The following FXR1 variants were observed in gnomAD, a reference collection of about 807,000 sequenced individuals.
The protein encoded by FXR1 is FMR1 autosomal homolog 1.
In FXR1, 15 loss-of-function variants were observed where a neutral mutation model predicts 84.0. That is an observed-to-expected ratio of 0.18 (90% confidence interval 0.12 to 0.27). The LOEUF is 0.27. FXR1 is among the 10% of genes least tolerant of loss of function. The pLI is 1.00. For synonymous variants in FXR1, 245 were observed against 250.7 expected, an observed-to-expected ratio of 0.98 and a Z score of 0.21; for missense variants, 480 against 774.4, an observed-to-expected ratio of 0.62 and a Z score of 4.51.
rs142721078 is a variant in FXR1, at chr3:180,935,110, T to G, written c.105-28T>G. ...AGGCGTAGACTATATATTTTTAAGTTGTTAATACACCTTTTCTAATCCTTC... is the reference window on the plus strand; with the variant it reads ...AGGCGTAGACTATATATTTTTAAGTGGTTAATACACCTTTTCTAATCCTTC... On this transcript the variant is annotated intron_variant, in intron 2 of 16. Transcript: ENST00000357559. The G allele has an allele frequency of 4.9e-5, 53 of 1,087,930 alleles. No homozygotes were observed. The East Asian group carries it at 1.2e-3, about 25-fold the overall frequency. The allele number at this position is 1,087,930 out of a possible 1,614,324, so 67.4% of individuals were successfully genotyped here. A position where few individuals can be genotyped will look rare whatever the true frequency, so the allele number is the denominator to read the frequency against.
chr3:180,942,962 G>T (rs1721291416), intron 3 of FXR1, among the ~76,000 whole-genome samples: 1 of 152,114 alleles, frequency 6.6e-6, no homozygotes, highest in Middle Eastern at 3.4e-3. Flanking sequence ...GTAAGTGGGG[G>T]TGTTTTCTTT....
chr3:180,915,820 C>T (rs1717828821), intron 1 of FXR1, among the ~76,000 whole-genome samples: 2 of 152,160 alleles, frequency 1.3e-5, no homozygotes, highest in African/African-American at 4.8e-5. Flanking sequence ...TTAATTGGAA[C>T]CAGTGAAACG....
intron 15 of FXR1, among the ~76,000 whole-genome samples, chr3:180,972,446 C>T (rs878981410): frequency 6.6e-6 from 1 of 151,922 alleles, no homozygotes; most frequent in Admixed American, 6.6e-5. Context: ...ACAGTGAGAC[C>T]CTGTCTCAAA....
At chr3:180,933,435 C>T (rs1720165606) in intron 2 of FXR1, 49 bp downstream of exon 2, 1 of 1,093,402 alleles carries the variant, frequency 9.1e-7, no homozygotes, top group East Asian at 2.4e-5. Flanking sequence ...ATGGCAGTGC[C>T]AAACTTTTTG....
chr3:180,923,757 C>T (rs1161958831), intron 1 of FXR1, among the ~76,000 whole-genome samples: 1 of 151,980 alleles, frequency 6.6e-6, no homozygotes, highest in African/African-American at 2.4e-5. Context: ...ATTGTTGTTT[C>T]AGGAGACCGG....
chr3:180,967,384 A>G (rs563990472), intron 13 of FXR1, among the ~76,000 whole-genome samples: 17 of 152,278 alleles, frequency 1.1e-4, no homozygotes, highest in South Asian at 8.3e-4. Flanking sequence ...CCTAGAATCA[A>G]TGAAATTATG....
In FXR1 at chr3:180,948,208, T is replaced by C. The variant is rs561564582; in HGVS notation, c.271-139T>C. The C allele has an allele frequency of 5.3e-5, 35 of 655,616 alleles. No homozygotes were observed. In the East Asian group the frequency reaches 7.6e-4, roughly 14 times the overall value. 40.6% of individuals were successfully genotyped at this position (655,616 alleles called of 1,614,324 possible). A position where few individuals can be genotyped will look rare whatever the true frequency, so the allele number is the denominator to read the frequency against. ...ATCTAGTTTAGGCAAATCAGATTGA[T>C]GTAGCTAAGCTGTGCTTAGTATTTT... On this transcript the variant is annotated intron_variant, in intron 4 of 16. Coordinates refer to ENST00000357559, the MANE Select transcript of FXR1 (RefSeq NM_005087.4).
intron 1 of FXR1, among the ~76,000 whole-genome samples, chr3:180,922,256 G>T (rs1185908728): frequency 6.6e-6 from 1 of 152,054 alleles, no homozygotes. Context: ...TTCCAAAAAG[G>T]CTTCTGATGC....
Position 180,946,880 on chromosome 3 carries a change from C to T in FXR1, c.199-985C>T, listed in dbSNP as rs1576952422. Reference sequence around the variant, plus strand: ...GGTTTTTATTGGTTTTTAGTTTCTTCTCAGCCCCCCTTTTCTACCTTTCTC... The same window carrying T: ...GGTTTTTATTGGTTTTTAGTTTCTTTTCAGCCCCCCTTTTCTACCTTTCTC... On this transcript the variant is annotated intron_variant, in intron 3 of 16. Transcript: ENST00000357559. 2.6e-5 allele frequency among the ~76,000 whole-genome samples: 4 copies of T among 152,154 alleles called. No individual in the cohort carries two copies. In the South Asian group the frequency reaches 8.3e-4, roughly 31 times the overall value.
intron 1 of FXR1, among the ~76,000 whole-genome samples, chr3:180,914,157 C>T (rs545047357): frequency 6.6e-6 from 1 of 152,268 alleles, no homozygotes; most frequent in African/African-American, 2.4e-5. Flanking sequence ...GAGTAGTTAA[C>T]ATTGACGTTC....
chr3:180,952,828 CTTTT>C (rs371547296), intron 8 of FXR1, among the ~76,000 whole-genome samples: 8 of 121,482 alleles, frequency 6.6e-5, no homozygotes, highest in East Asian at 2.4e-4. Context: ...ATTTTATTTG[CTTTT>C]TTTTTTTTTT....
At chr3:180,939,783 C>G (rs972255519) in intron 3 of FXR1, among the ~76,000 whole-genome samples, 7 of 152,248 alleles carry the variant, frequency 4.6e-5, no homozygotes, top group African/African-American at 4.8e-5. Flanking sequence ...GCCAGACTCA[C>G]AACATTCTTC....
intron 1 of FXR1, among the ~76,000 whole-genome samples, chr3:180,926,495 TATATA>T (rs1266139663): frequency 0.029 from 3,222 of 109,596 alleles, 104 homozygotes; most frequent in African/African-American, 0.096. Flanking sequence ...TATATATATA[TATATA>T]TATATATTTT....
intron 1 of FXR1, among the ~76,000 whole-genome samples, chr3:180,929,922 A>C (rs1719682958): frequency 1.3e-5 from 2 of 152,232 alleles, no homozygotes; most frequent in Admixed American, 6.5e-5. Flanking sequence ...ACTTGGTGTC[A>C]GGCCTTACTC....
At chr3:180,932,217 C>T (rs1427742307) in intron 1 of FXR1, among the ~76,000 whole-genome samples, 1 of 151,786 alleles carries the variant, frequency 6.6e-6, no homozygotes, top group Non-Finnish European at 1.5e-5. Flanking sequence ...CAGATGTGTT[C>T]ATTTTTGTCT....
chr3:180,947,682 T>C (rs1039520410), intron 3 of FXR1, among the ~76,000 whole-genome samples, 183 bp from the exon 4 acceptor site: 2 of 152,214 alleles, frequency 1.3e-5, no homozygotes, highest in Non-Finnish European at 2.9e-5. Flanking sequence ...AAAAGTAGTT[T>C]TATTTTTAAG....
intron 13 of FXR1, among the ~76,000 whole-genome samples, chr3:180,964,432 C>T (rs1306752621): frequency 6.6e-6 from 1 of 151,948 alleles, no homozygotes; most frequent in Admixed American, 6.6e-5. Flanking sequence ...CTTACTCTGG[C>T]AAAATGCTTT....
At chr3:180,959,609 T>C (rs1479244352) in intron 10 of FXR1, among the ~76,000 whole-genome samples, 4 of 152,062 alleles carry the variant, frequency 2.6e-5, no homozygotes, top group Non-Finnish European at 5.9e-5. Flanking sequence ...GAAAACAGGC[T>C]ATGTGCTTAA....
chr3:180,917,845 G>A (rs1432693221), intron 1 of FXR1, among the ~76,000 whole-genome samples: 27 of 151,198 alleles, frequency 1.8e-4, no homozygotes, highest in Admixed American at 6.6e-5. Flanking sequence ...TACTTGGGAA[G>A]CTGAGGTGGG....
Sources: allele counts gnomAD v4.1 joint callset (sites outside exome capture counted in the v4.1 genomes callset), GRCh38; gene constraint gnomAD v4.1.1; transcripts MANE v1.5; gene names NCBI Gene and HGNC (gene_info 2026-07-23, HGNC 2026-07-21).